FBL: variants seen among roughly 807,000 people sequenced by gnomAD.
FBL encodes the protein fibrillarin rRNA 2'-O-methyltransferase.
Under a neutral mutation model 42.2 loss-of-function variants are expected in FBL, and 10 were observed. The ratio of observed to expected loss-of-function variants is 0.24; its 90% CI spans 0.15 to 0.40. The LOEUF is 0.40. Ranked by LOEUF, FBL falls within the 10% of genes least tolerant of loss-of-function variation. The pLI is 1.00. For missense variants in FBL, 351 were observed against 439.2 expected (o/e 0.80, Z 1.79); for synonymous variants, 165 against 165.4 (o/e 1.00, Z 0.02).
chr19:39,846,168 G>A, intron 1 of FBL, 123 bp downstream of exon 1: 1 of 1,146,168 alleles, frequency 8.7e-7, no homozygotes, highest in Non-Finnish European at 1.3e-6. Context: ...TCCCACAGGA[G>A]ACTGGAACCC....
At chr19:39,841,790 C>A (rs146330593) in intron 1 of FBL, among the ~76,000 whole-genome samples, 2 of 152,340 alleles carry the variant, frequency 1.3e-5, no homozygotes, top group Admixed American at 6.5e-5. Context: ...AACAAACTGT[C>A]ATTTAAGGAT....
rs534041209 is a variant in FBL at position 39,840,493 on chromosome 19, G to A, written c.204C>T (p.Gly68=). The A allele has an allele frequency of 1.3e-4, 205 of 1,614,066 alleles. No homozygotes were observed. The Admixed American group carries it at 2.1e-3, about 17-fold the overall frequency. Reference sequence around the variant, plus strand: ...TTCCTCCCCGACCACGACCCCGGTTGCCACCAGAATGGAAGCCTCCACCTA... The same window carrying A: ...TTCCTCCCCGACCACGACCCCGGTTACCACCAGAATGGAAGCCTCCACCTA... ...GRGGGGFHSG[G]NRGRGRGGKR... Residue 68 remains glycine, a synonymous_variant, in exon 3 of 9, where the codon GGC becomes GGT. Coordinates refer to ENST00000221801, the MANE Select transcript of FBL (RefSeq NM_001436.4). This position sits in a 1 kb window ranked among gnomAD's most constrained non-coding sequence, Gnocchi z 4.5.
At chr19:39,841,511 A>G (rs955415258) in intron 1 of FBL, among the ~76,000 whole-genome samples, 4 of 152,236 alleles carry the variant, frequency 2.6e-5, no homozygotes, top group Admixed American at 6.5e-5. Context: ...CCTTGGTTGC[A>G]TAGCAGATTC....
chr19:39,842,365 C>T (rs565139065), intron 1 of FBL, among the ~76,000 whole-genome samples: 5 of 152,312 alleles, frequency 3.3e-5, no homozygotes, highest in East Asian at 1.9e-4. Context: ...GGATTACAGG[C>T]GTGAGCCAGC....
At chr19:39,838,026 C>A (rs1462301110) in intron 5 of FBL, 183 bp from the exon 6 acceptor site, 10 of 559,800 alleles carry the variant, frequency 1.8e-5, no homozygotes, top group Non-Finnish European at 3.1e-5. Context: ...CATAAAGTCA[C>A]TGGCCAAGAG....
rs1969137757 is a variant in FBL, at chr19:39,840,411, C to G, written c.283+3G>C. On this transcript the variant is annotated splice_donor_region_variant and intron_variant, in intron 3 of 8. Transcript: ENST00000221801. The surrounding 1 kb of genome is among the most constrained non-coding windows in gnomAD (Gnocchi z 4.5). The stretch of plus-strand genomic sequence containing the variant: ...CAGCCGGCTCCCTGCCTTCCTCACT[C>G]ACCCTCATGCCGATGCGGCTCCACC... 3 of 1,614,004 alleles carry G rather than the reference C, an allele frequency of 1.9e-6. No homozygotes were observed. The highest frequency in any genetic ancestry group is 8.5e-7 in the Non-Finnish European group (1 of 1,179,994).
chr19:39,837,247 G>A (rs183398190), intron 6 of FBL, among the ~76,000 whole-genome samples: 13 of 152,312 alleles, frequency 8.5e-5, no homozygotes, highest in Middle Eastern at 3.4e-3. Flanking sequence ...GTTCTCATCA[G>A]TTACTTCTGG....
chr19:39,836,660 C>T lies in FBL; in HGVS notation c.691G>A (p.Asp231Asn). The T allele has an allele frequency of 1.2e-6, 2 of 1,613,246 alleles. No homozygotes were observed. The highest frequency in any genetic ancestry group is 2.2e-5 in the East Asian group (1 of 44,870). The change falls in exon 7 of 9, where the codon GAT (aspartate) becomes AAT (asparagine). Residue 231 changes from aspartate to asparagine, a missense_variant. Physicochemically the swap from Asp to Asn is conservative, Grantham distance 23 (BLOSUM62 1). Coordinates refer to ENST00000221801, the MANE Select transcript of FBL (RefSeq NM_001436.4). ...HKYRMLIAMV[D>N]VIFADVAQPD... ...TGGGCCACATCAGCAAAGATCACAT[C>T]CACCATTGCTAAGGAGAAAGGAGCA...
At chr19:39,844,302 G>A (rs1969217693) in intron 1 of FBL, among the ~76,000 whole-genome samples, 1 of 152,148 alleles carries the variant, frequency 6.6e-6, no homozygotes, top group Non-Finnish European at 1.5e-5. Context: ...AGGAAGTACT[G>A]GCATGTGCTT....
In FBL at chr19:39,840,169, C is replaced by A; in HGVS notation, c.378+64G>T. ...GTGCAGGACACATGGTGAGGGCAGA[C>A]ACAGACTACTGGCTACACCCTCAGC... On this transcript the variant is annotated intron_variant, in intron 4 of 8. Coordinates refer to ENST00000221801, the MANE Select transcript of FBL (RefSeq NM_001436.4). The surrounding 1 kb of genome is among the most constrained non-coding windows in gnomAD (Gnocchi z 4.5). 1.8e-6 allele frequency: 2 copies of A among 1,123,742 alleles called. No individual in the cohort carries two copies. The highest frequency in any genetic ancestry group is 2.7e-6 in the Non-Finnish European group (2 of 735,830). 69.6% of individuals were successfully genotyped at this position (1,123,742 alleles called of 1,614,324 possible).
chr19:39,844,839 G>A (rs574183256), intron 1 of FBL, among the ~76,000 whole-genome samples: 1 of 152,178 alleles, frequency 6.6e-6, no homozygotes, highest in East Asian at 1.9e-4. Flanking sequence ...CTCCCAAAGG[G>A]TTCTTTTCTC....
At chr19:39,836,716 C>G (rs1443573198) in intron 6 of FBL, 48 bp from the exon 7 acceptor site, 1 of 1,415,476 alleles carries the variant, frequency 7.1e-7, no homozygotes, top group African/African-American at 1.4e-5. Context: ...CAGGGATCAC[C>G]CCAGATCCTC....
chr19:39,842,117 ACT>A lies in FBL; in HGVS notation c.11-1332_11-1331del, dbSNP rs1395571282. Among the ~76,000 whole-genome samples, 11 of 148,728 alleles carry A rather than the reference ACT, an allele frequency of 7.4e-5. 1 individual carries two copies. In the South Asian group the frequency reaches 1.9e-3, roughly 26 times the overall value. On this transcript the variant is annotated intron_variant, in intron 1 of 8. Transcript: ENST00000221801. ...TTTTTTTTTTTTGAGACGGAGTCTCACTCTGTCACCCAGGCTGGAGTGCAGTG... is the reference window on the plus strand; with the variant it reads ...TTTTTTTTTTTTGAGACGGAGTCTCACTGTCACCCAGGCTGGAGTGCAGTG...
At position 39,839,147 on chromosome 19, in the gene FBL, G is replaced by C. The variant is rs746421819; in HGVS notation, c.437C>G (p.Ala146Gly). 1 of 1,614,046 alleles carries C rather than the reference G, an allele frequency of 6.2e-7. No homozygotes were observed. The stretch of plus-strand genomic sequence containing the variant: ...CTGGTCCACACCACCCAGGATTGCT[G>C]CTGCTAGCTTGGAGCGGAAGGGGTT... ...AWNPFRSKLAAAILGGVDQIH... is the reference protein window; with the variant it reads ...AWNPFRSKLAGAILGGVDQIH... Residue 146 changes from alanine to glycine, a missense_variant, in exon 5 of 9, where the codon GCA becomes GGA. Coordinates refer to ENST00000221801, the MANE Select transcript of FBL (RefSeq NM_001436.4).
intron 4 of FBL, among the ~76,000 whole-genome samples, 156 bp from the exon 5 acceptor site, chr19:39,839,361 C>T (rs1424069422): frequency 6.6e-6 from 1 of 152,164 alleles, no homozygotes; most frequent in African/African-American, 2.4e-5. Flanking sequence ...GCAGTCGCTG[C>T]CCTCTCATGG....
rs1377557192 is a variant in FBL at position 39,846,345 on chromosome 19, A to G, written c.-45T>C. On this transcript the variant is annotated 5_prime_UTR_variant, in exon 1 of 9. Transcript: ENST00000221801. ...GGCTCCGGAGTCCGCGGCGTTCACAACTCCACGAGTCCGGGGCTTTCGCAC... is the reference window on the plus strand; with the variant it reads ...GGCTCCGGAGTCCGCGGCGTTCACAGCTCCACGAGTCCGGGGCTTTCGCAC... The G allele has an allele frequency of 6.2e-7, 1 of 1,610,546 alleles. No homozygotes were observed. Among genetic ancestry groups the G allele is most frequent in the South Asian group, 1.1e-5 (1 of 90,612 alleles).
rs1306031105 is a variant in FBL at position 39,846,350 on chromosome 19, A to G, written c.-50T>C. On this transcript the variant is annotated 5_prime_UTR_variant, in exon 1 of 9. Coordinates refer to ENST00000221801, the MANE Select transcript of FBL (RefSeq NM_001436.4). ...CGGAGTCCGCGGCGTTCACAACTCC[A>G]CGAGTCCGGGGCTTTCGCACGTGGA... 10 of 1,609,696 alleles carry G rather than the reference A, an allele frequency of 6.2e-6. No individual in the cohort carries two copies. The highest frequency in any genetic ancestry group is 6.8e-6 in the Non-Finnish European group (8 of 1,178,088).
intron 1 of FBL, among the ~76,000 whole-genome samples, chr19:39,845,258 G>C (rs192151923): frequency 2.7e-3 from 291 of 109,530 alleles, no homozygotes; most frequent in African/African-American, 9.9e-3. Context: ...GCCAGATGGA[G>C]GAAGTGCTCA....
chr19:39,842,950 C>T (rs577833963), intron 1 of FBL, among the ~76,000 whole-genome samples: 1 of 152,298 alleles, frequency 6.6e-6, no homozygotes, highest in Admixed American at 6.5e-5. Flanking sequence ...TTACCACGTG[C>T]TGTTCCCACT....
Sources: gnomAD v4.1 joint callset for allele counts (sites outside exome capture counted in the v4.1 genomes callset) on GRCh38, gnomAD v4.1.1 for gene constraint, Gnocchi (gnomAD v3.1) non-coding constraint, MANE v1.5 for transcripts, NCBI Gene and HGNC (gene_info 2026-07-23, HGNC 2026-07-21) for gene names.